GARNL3: variants seen among roughly 807,000 people sequenced by gnomAD.
The protein encoded by GARNL3 is GTPase-activating Rap/Ran-GAP domain-like protein 3.
Under a neutral mutation model 125.0 loss-of-function variants are expected in GARNL3, and 63 were observed. The observed-to-expected ratio is 0.50, with a 90% CI of 0.41 to 0.62. GARNL3 has a LOEUF of 0.62. Among genes scored for constraint, GARNL3 ranks in the 20% least tolerant of loss-of-function variants. The pLI, the probability that GARNL3 is intolerant of heterozygous loss-of-function variation, is 0.00. For synonymous variants in GARNL3, 439 were observed against 457.5 expected (o/e 0.96, Z 0.52); for missense variants, 994 against 1,244.0 (o/e 0.80, Z 3.02).
At chr9:127,262,913 G>T (rs1003972408), upstream of GARNL3, among the ~76,000 whole-genome samples, 6 of 152,234 alleles carry the variant, frequency 3.9e-5, no homozygotes, top group African/African-American at 1.4e-4. Context: ...AGAGGCCAGA[G>T]AGCCTGGGAA....
chr9:127,387,153 A>C (rs781717235), intron 24 of GARNL3, 40 bp from the exon 25 acceptor site: 2 of 1,593,160 alleles, frequency 1.3e-6, no homozygotes, highest in Non-Finnish European at 1.7e-6. Context: ...CAAGGCCTAG[A>C]ACACCAGGCA....
chr9:127,328,334 ATT>A (rs1829013544), intron 7 of GARNL3, among the ~76,000 whole-genome samples: 1 of 152,146 alleles, frequency 6.6e-6, no homozygotes, highest in Non-Finnish European at 1.5e-5. Flanking sequence ...GAGGCACTCT[ATT>A]TAATCCTGCT....
chr9:127,300,100 A>G (rs62578825), intron 2 of GARNL3: 56,273 of 313,064 alleles, frequency 0.18, 6,125 homozygotes, highest in Middle Eastern at 0.23. Flanking sequence ...TCACTTCTTT[A>G]CTTCTCCAAG....
rs760251787 is a variant in GARNL3, at chr9:127,390,627, G to A, written c.2744-14G>A. ...CTGTGGTAGTGACCCTCTGACCTAT[G>A]ATTCTCAATCCAGGCCTCTCGGATG... On this transcript the variant is annotated splice_polypyrimidine_tract_variant and intron_variant, in intron 26 of 27. Coordinates refer to ENST00000373387, the MANE Select transcript of GARNL3 (RefSeq NM_032293.5). 5 of 1,613,274 alleles carry A rather than the reference G, an allele frequency of 3.1e-6. No individual in the cohort carries two copies. Among genetic ancestry groups the A allele is most frequent in the Non-Finnish European group, 4.2e-6 (5 of 1,179,648 alleles).
Position 127,279,510 on chromosome 9 carries a change from C to T in GARNL3, c.145-11658C>T, listed in dbSNP as rs1157475427. On this transcript the variant is annotated intron_variant, in intron 1 of 27. Transcript: ENST00000373387. Reference sequence around the variant, plus strand: ...TACTGTTTTAGTTCCCTAAAATTAACATTTTGTTTTCCTCCTCCAGTGAAG... The same window carrying T: ...TACTGTTTTAGTTCCCTAAAATTAATATTTTGTTTTCCTCCTCCAGTGAAG... Among the ~76,000 whole-genome samples, 3 of 152,080 alleles carry T rather than the reference C, an allele frequency of 2.0e-5. No homozygotes were observed. In the South Asian group the frequency reaches 6.2e-4, roughly 31 times the overall value.
intron 6 of GARNL3, among the ~76,000 whole-genome samples, chr9:127,324,075 C>A (rs1014389158): frequency 1.3e-5 from 2 of 151,914 alleles, no homozygotes; most frequent in Non-Finnish European, 2.9e-5. Flanking sequence ...TATAGTGGAA[C>A]CCCATCTCTA....
chr9:127,268,726 A>G (rs141918997), intron 1 of GARNL3, among the ~76,000 whole-genome samples: 17 of 152,260 alleles, frequency 1.1e-4, no homozygotes, highest in African/African-American at 3.9e-4. Flanking sequence ...CTGGATTCCT[A>G]TTTGGCAGTT....
intron 2 of GARNL3, among the ~76,000 whole-genome samples, chr9:127,304,628 T>C (rs1385578598): frequency 2.7e-5 from 4 of 150,710 alleles, no homozygotes; most frequent in Non-Finnish European, 5.9e-5. Flanking sequence ...CTCCGTCTCT[T>C]GGATTCTAGT....
intron 1 of GARNL3, among the ~76,000 whole-genome samples, chr9:127,233,710 T>A (rs2063061740): frequency 6.6e-6 from 1 of 152,210 alleles, no homozygotes; most frequent in South Asian, 2.1e-4. Flanking sequence ...TGCATGGTGG[T>A]TTCCTTATTA....
chr9:127,306,853 C>G (rs2064970651), intron 2 of GARNL3, among the ~76,000 whole-genome samples: 1 of 152,130 alleles, frequency 6.6e-6, no homozygotes, highest in Non-Finnish European at 1.5e-5. Flanking sequence ...CCGCTGCACT[C>G]CAGCATGGGC....
chr9:127,293,170 C>A (rs958406992), intron 2 of GARNL3, among the ~76,000 whole-genome samples: 2 of 152,142 alleles, frequency 1.3e-5, no homozygotes, highest in Non-Finnish European at 2.9e-5. Context: ...GGGCACTTGA[C>A]TTCCAGAGGG....
rs1036951940 is a variant in GARNL3 at position 127,392,748 on chromosome 9, G to A, written c.2871-335G>A. 6.6e-6 allele frequency among the ~76,000 whole-genome samples: 1 copy of A among 152,236 alleles called. No individual in the cohort carries two copies. The highest frequency in any genetic ancestry group is 6.5e-5 in the Admixed American group (1 of 15,288). ...TGGAGGGATCACAGGCCTAGTCCCG[G>A]AACCTTGGCTATGAGTTTCAGCCTG... On this transcript the variant is annotated intron_variant, in intron 27 of 27. Coordinates refer to ENST00000373387, the MANE Select transcript of GARNL3 (RefSeq NM_032293.5). The surrounding 1 kb of genome is among the most constrained non-coding windows in gnomAD (Gnocchi z 5.2).
At chr9:127,294,231 C>T (rs1427857434) in intron 2 of GARNL3, among the ~76,000 whole-genome samples, 2 of 152,232 alleles carry the variant, frequency 1.3e-5, no homozygotes, top group Non-Finnish European at 2.9e-5. Flanking sequence ...GCATTTACCT[C>T]TGTGCGTTCC....
At position 127,384,781 on chromosome 9, in the gene GARNL3, G is replaced by A. The variant is rs559922827; in HGVS notation, c.2270-246G>A. On this transcript the variant is annotated intron_variant, in intron 23 of 27. Transcript: ENST00000373387. The surrounding 1 kb of genome is among the most constrained non-coding windows in gnomAD (Gnocchi z 4.0). ...CAGTGGGGTTTCCATGGGGGAAAAT[G>A]GCAGCAAGCATGGTGACAGTGCACA... Among the ~76,000 whole-genome samples the A allele has an allele frequency of 6.6e-4, 101 of 152,334 alleles. No homozygotes were observed. Among genetic ancestry groups the A allele is most frequent in the African/African-American group, 2.4e-3 (100 of 41,572 alleles).
intron 1 of GARNL3, among the ~76,000 whole-genome samples, chr9:127,240,900 CCT>C (rs1398442298): frequency 7.0e-6 from 1 of 142,194 alleles, no homozygotes; most frequent in Non-Finnish European, 1.6e-5. Flanking sequence ...AGAGTGAGAC[CCT>C]GTCTCAAAAA....
chr9:127,339,780 A>G, intron 13 of GARNL3, 29 bp downstream of exon 13: 1 of 1,352,236 alleles, frequency 7.4e-7, no homozygotes, highest in Admixed American at 1.7e-5. Context: ...ACAATTTTGC[A>G]ACTTGTTCTA....
intron 2 of GARNL3, among the ~76,000 whole-genome samples, chr9:127,304,530 C>CTTTTTTTTTTTTTTTTTTTTTTTTTT (rs61493807): frequency 1.0e-5 from 1 of 99,220 alleles, no homozygotes. Context: ...TGGCTTTATT[C>CTTTTTTTTTTTTTTTTTTTTTTTTTT]TTTTTTTTTT....
intron 13 of GARNL3, 61 bp downstream of exon 13, chr9:127,339,812 A>C: frequency 9.9e-7 from 1 of 1,005,686 alleles, no homozygotes; most frequent in Non-Finnish European, 1.6e-6. Context: ...ATTTCTTCAG[A>C]TTCTCCCAGA....
At chr9:127,330,195 T>C (rs1015858135) in intron 7 of GARNL3, among the ~76,000 whole-genome samples, 5 of 152,246 alleles carry the variant, frequency 3.3e-5, no homozygotes, top group Non-Finnish European at 7.3e-5. Context: ...ACTACTGTAG[T>C]TCCTGCACTA....
Sources: gnomAD v4.1 joint callset for allele counts (sites outside exome capture counted in the v4.1 genomes callset) on GRCh38, gnomAD v4.1.1 for gene constraint, Gnocchi (gnomAD v3.1) non-coding constraint, MANE v1.5 for transcripts, NCBI Gene and HGNC (gene_info 2026-07-23, HGNC 2026-07-21) for gene names.